DRC12: variants seen among roughly 807,000 people sequenced by gnomAD.
DRC12 encodes dynein regulatory complex subunit 12 homolog, also known as dynein regulatory complex protein 12.
At chr11:119,191,431 C>T in the DRC12 span, among the ~76,000 whole-genome samples, 2 of 151,574 alleles carry the variant, frequency 1.3e-5, no homozygotes, top group Non-Finnish European at 2.9e-5. Flanking sequence ...AATGACACAT[C>T]CCTCAGGGGC....
chr11:119,191,994 T>C, the DRC12 span, among the ~76,000 whole-genome samples: 1 of 132,488 alleles, frequency 7.5e-6, no homozygotes, highest in African/African-American at 2.9e-5. Flanking sequence ...TTTTTTTTTT[T>C]AGTTGGAATC....
chr11:119,194,530 A>AT, the DRC12 span, among the ~76,000 whole-genome samples: 782 of 136,462 alleles, frequency 5.7e-3, 8 homozygotes, highest in Middle Eastern at 0.021. Context: ...AAAAAAAAAA[A>AT]AAAAAAAAAA....
chr11:119,193,195 C>T, the DRC12 span: 1 of 1,614,172 alleles, frequency 6.2e-7, no homozygotes, highest in Non-Finnish European at 8.5e-7. Flanking sequence ...CAGCTGCTTG[C>T]TGCGGGTTTG....
chr11:119,194,407 G>A, the DRC12 span, among the ~76,000 whole-genome samples: 83 of 150,550 alleles, frequency 5.5e-4, 1 homozygote, highest in East Asian at 0.013. Flanking sequence ...CCAGCTACTC[G>A]GGAGGCTGAG....
chr11:119,195,817 C>T, the DRC12 span: 1 of 234,362 alleles, frequency 4.3e-6, no homozygotes. Context: ...TCCTCTCCTG[C>T]CAGCGTTGGG....
chr11:119,191,335 T>C, the DRC12 span, among the ~76,000 whole-genome samples: 3 of 151,748 alleles, frequency 2.0e-5, no homozygotes, highest in Non-Finnish European at 4.4e-5. Context: ...CTTAACCTTG[T>C]GATCCGCCCG....
chr11:119,194,226 TA>T, the DRC12 span, among the ~76,000 whole-genome samples: 1 of 151,392 alleles, frequency 6.6e-6, no homozygotes. Flanking sequence ...CTCTATAAAA[TA>T]AATAGGGCCA....
chr11:119,190,459 ACAT>A, the DRC12 span: 1 of 1,613,718 alleles, frequency 6.2e-7, no homozygotes, highest in East Asian at 2.2e-5. The surrounding 1 kb of genome is among the most constrained non-coding windows in gnomAD (Gnocchi z 4.2). Flanking sequence ...TGTCCTGCAG[ACAT>A]CAATATTTCA....
the DRC12 span, chr11:119,193,978 C>A: frequency 7.5e-7 from 1 of 1,328,430 alleles, no homozygotes; most frequent in South Asian, 1.3e-5. Flanking sequence ...CTCTAGAAAT[C>A]TGGTGGTGGG....
At chr11:119,194,725 AAAAC>A in the DRC12 span, among the ~76,000 whole-genome samples, 8 of 148,484 alleles carry the variant, frequency 5.4e-5, no homozygotes, top group Admixed American at 2.1e-4. Context: ...AAAAAAACAA[AAAAC>A]AAACAAACAA....
the DRC12 span, chr11:119,194,870 G>A: frequency 7.5e-7 from 1 of 1,337,496 alleles, no homozygotes; most frequent in African/African-American, 1.5e-5. Flanking sequence ...ATACAGAAAT[G>A]CCCCATTTCA....
chr11:119,193,997 C>T, the DRC12 span: 2 of 1,022,946 alleles, frequency 2.0e-6, no homozygotes, highest in Admixed American at 2.7e-5. Flanking sequence ...GGGTGTCCAG[C>T]CTCTTACTCT....
chr11:119,190,648 G>A, the DRC12 span: 36 of 1,584,374 alleles, frequency 2.3e-5, no homozygotes, highest in Non-Finnish European at 2.8e-5. This position sits in a 1 kb window ranked among gnomAD's most constrained non-coding sequence, Gnocchi z 4.2. Context: ...ACGAGCTGGG[G>A]TTTGTGGGCA....
chr11:119,194,730 A>G, the DRC12 span, among the ~76,000 whole-genome samples: 1 of 144,920 alleles, frequency 6.9e-6, no homozygotes, highest in Non-Finnish European at 1.5e-5. Flanking sequence ...AACAAAAAAC[A>G]AACAAACAAA....
the DRC12 span, chr11:119,193,164 A>C: frequency 1.2e-6 from 2 of 1,614,056 alleles, no homozygotes; most frequent in Non-Finnish European, 1.7e-6. Context: ...GCTGCCCCCG[A>C]AGGCCTTTGA....
chr11:119,194,681 C>T, the DRC12 span, among the ~76,000 whole-genome samples: 19 of 151,386 alleles, frequency 1.3e-4, no homozygotes, highest in African/African-American at 3.9e-4. Flanking sequence ...CACTCCAGCC[C>T]GGGCAATAGA....
At chr11:119,193,533 A>C in the DRC12 span, 1 of 1,374,084 alleles carries the variant, frequency 7.3e-7, no homozygotes, top group Non-Finnish European at 9.6e-7. Flanking sequence ...TATCCTACAC[A>C]GCATCAAGCA....
the DRC12 span, chr11:119,193,879 C>T: frequency 1.5e-5 from 24 of 1,551,252 alleles, no homozygotes; most frequent in South Asian, 4.8e-5. Flanking sequence ...TTCATCCCTC[C>T]GTAGAGCTGT....
the DRC12 span, chr11:119,190,373 C>T: frequency 1.2e-5 from 20 of 1,613,976 alleles, no homozygotes; most frequent in African/African-American, 1.2e-4. The surrounding 1 kb of genome is among the most constrained non-coding windows in gnomAD (Gnocchi z 4.2). Context: ...CTCCTTGTGC[C>T]TGGCGTGAAG....
Sources: gnomAD v4.1 joint callset for allele counts (sites outside exome capture counted in the v4.1 genomes callset) on GRCh38, gnomAD v4.1.1 for gene constraint, Gnocchi (gnomAD v3.1) non-coding constraint, MANE v1.5 for transcripts, NCBI Gene and HGNC (gene_info 2026-07-23, HGNC 2026-07-21) for gene names.